The following PTN variants were observed in gnomAD, a reference collection of about 807,000 sequenced individuals.
PTN encodes pleiotrophin.
PTN carries 18 observed loss-of-function variants against 24.1 expected under a neutral mutation model. The ratio of observed to expected loss-of-function variants is 0.75; its 90% CI spans 0.52 to 1.11. The LOEUF is 1.11. Among genes scored for constraint, PTN ranks in the 50% least tolerant of loss-of-function variants. PTN has a pLI of 0.00. For missense variants in PTN, 163 were observed against 198.8 expected (o/e 0.82, Z 1.08); for synonymous variants, 78 against 68.6 (o/e 1.14, Z -0.67).
At chr7:137,251,584 C>G (rs372764837) in intron 3 of PTN, among the ~76,000 whole-genome samples, 193 bp from the exon 4 acceptor site, 1 of 151,284 alleles carries the variant, frequency 6.6e-6, no homozygotes, top group Admixed American at 6.6e-5. Context: ...TAGATGCATA[C>G]GATCACCATC....
At chr7:137,232,083 C>A (rs1399687242) in intron 4 of PTN, among the ~76,000 whole-genome samples, 1 of 151,900 alleles carries the variant, frequency 6.6e-6, no homozygotes, top group African/African-American at 2.4e-5. Flanking sequence ...CACTTTAGTT[C>A]ACATTGAACA....
At chr7:137,263,379 T>C (rs1244132484) in intron 1 of PTN, among the ~76,000 whole-genome samples, 1 of 152,206 alleles carries the variant, frequency 6.6e-6, no homozygotes, top group East Asian at 1.9e-4. Flanking sequence ...GTGTAGACAG[T>C]AACTAGTAAG....
intron 1 of PTN, among the ~76,000 whole-genome samples, chr7:137,266,380 T>C (rs1809145139): frequency 6.6e-6 from 1 of 152,192 alleles, no homozygotes; most frequent in African/African-American, 2.4e-5. Context: ...ACTTTCCTTA[T>C]ACACCTTGCA....
chr7:137,342,224 T>C (rs1026361797), intron 1 of PTN, among the ~76,000 whole-genome samples: 1 of 152,148 alleles, frequency 6.6e-6, no homozygotes, highest in Non-Finnish European at 1.5e-5. Flanking sequence ...TGTTTCATTA[T>C]GTTATTAGTC....
chr7:137,333,543 G>C (rs1810395677), intron 1 of PTN, among the ~76,000 whole-genome samples: 1 of 152,176 alleles, frequency 6.6e-6, no homozygotes, highest in South Asian at 2.1e-4. Flanking sequence ...TCCTGGTCTA[G>C]TTCCATTATG....
chr7:137,241,923 T>C (rs1326062246), intron 4 of PTN, among the ~76,000 whole-genome samples: 2 of 152,086 alleles, frequency 1.3e-5, no homozygotes, highest in Admixed American at 1.3e-4. Flanking sequence ...CAGGCCAGCC[T>C]GTGGTGGGAT....
chr7:137,310,315 G>T (rs1359980540), intron 1 of PTN, among the ~76,000 whole-genome samples: 1 of 151,808 alleles, frequency 6.6e-6, no homozygotes, highest in Non-Finnish European at 1.5e-5. Context: ...GGCAGAGTAG[G>T]TTCAGCATAA....
chr7:137,256,627 G>C (rs1007969579), intron 1 of PTN, among the ~76,000 whole-genome samples: 17 of 152,112 alleles, frequency 1.1e-4, no homozygotes, highest in African/African-American at 4.1e-4. Context: ...ATAAACCTAT[G>C]TGTGCCTGTG....
At chr7:137,317,669 C>G (rs1367389321) in intron 1 of PTN, among the ~76,000 whole-genome samples, 4 of 152,150 alleles carry the variant, frequency 2.6e-5, no homozygotes, top group African/African-American at 9.7e-5. Context: ...ATAGGGCCTT[C>G]TGGAAAGAAT....
intron 4 of PTN, among the ~76,000 whole-genome samples, chr7:137,238,369 G>T (rs997624363): frequency 6.6e-6 from 1 of 152,122 alleles, no homozygotes; most frequent in African/African-American, 2.4e-5. Flanking sequence ...TACTCTCAAG[G>T]AACATAGCTG....
At chr7:137,234,651 T>A (rs1808488093) in intron 4 of PTN, among the ~76,000 whole-genome samples, 1 of 152,014 alleles carries the variant, frequency 6.6e-6, no homozygotes, top group Non-Finnish European at 1.5e-5. Context: ...GAGAAAGACA[T>A]CTGTTTAAAG....
chr7:137,229,862 A>G (rs952798784), intron 4 of PTN, among the ~76,000 whole-genome samples: 1 of 151,876 alleles, frequency 6.6e-6, no homozygotes, highest in African/African-American at 2.4e-5. Flanking sequence ...AAAATTATTC[A>G]GTGTCTGAAA....
intron 1 of PTN, among the ~76,000 whole-genome samples, chr7:137,277,854 G>C (rs1809386897): frequency 6.6e-6 from 1 of 150,978 alleles, no homozygotes; most frequent in East Asian, 2.0e-4. Flanking sequence ...ATAAGCATGA[G>C]CCACCATGCC....
intron 1 of PTN, among the ~76,000 whole-genome samples, chr7:137,330,873 G>C (rs186293342): frequency 6.6e-6 from 1 of 152,230 alleles, no homozygotes; most frequent in East Asian, 1.9e-4. Context: ...ATCCACCCTA[G>C]AGGAATCTCC....
At chr7:137,308,010 T>G (rs1809917623) in intron 1 of PTN, among the ~76,000 whole-genome samples, 1 of 152,126 alleles carries the variant, frequency 6.6e-6, no homozygotes, top group South Asian at 2.1e-4. Context: ...CACCTAGGAT[T>G]CTATTTTCTG....
intron 1 of PTN, among the ~76,000 whole-genome samples, chr7:137,313,758 C>A (rs1274453309): frequency 1.3e-5 from 2 of 152,208 alleles, no homozygotes; most frequent in African/African-American, 2.4e-5. Flanking sequence ...CCTCTCTTAT[C>A]TTCTACAAGG....
chr7:137,342,419 C>A (rs1175395141), intron 1 of PTN, among the ~76,000 whole-genome samples: 1 of 152,094 alleles, frequency 6.6e-6, no homozygotes, highest in Non-Finnish European at 1.5e-5. Context: ...CTCTTAGCAC[C>A]CCTACCCCTC....
chr7:137,299,162 G>A lies in PTN; in HGVS notation c.-1-44188C>T, dbSNP rs930794056. ...ACTAATATGCCTAGCCCTACCTCCA[G>A]CCTTTGGTAGTTCCCGAGGTCACGT... On this transcript the variant is annotated intron_variant, in intron 1 of 4. Transcript: ENST00000348225. Among the ~76,000 whole-genome samples the A allele has an allele frequency of 1.8e-4, 27 of 151,844 alleles. 1 individual carries two copies. Among genetic ancestry groups the A allele is most frequent in the African/African-American group, 6.5e-4 (27 of 41,370 alleles).
At chr7:137,283,535 C>G (rs1809505556) in intron 1 of PTN, among the ~76,000 whole-genome samples, 2 of 152,166 alleles carry the variant, frequency 1.3e-5, no homozygotes, top group African/African-American at 4.8e-5. Context: ...GCCTGGCAAA[C>G]TTACTTCATT....
Sources: gnomAD v4.1 joint callset for allele counts (sites outside exome capture counted in the v4.1 genomes callset) on GRCh38, gnomAD v4.1.1 for gene constraint, MANE v1.5 for transcripts, NCBI Gene and HGNC (gene_info 2026-07-23, HGNC 2026-07-21) for gene names.